ENOPH1: variants seen among roughly 807,000 people sequenced by gnomAD.
ENOPH1 encodes the protein enolase-phosphatase E1.
In ENOPH1, 14 loss-of-function variants were observed where a neutral mutation model predicts 31.1. The ratio of observed to expected loss-of-function variants is 0.45; its 90% CI spans 0.30 to 0.70. The LOEUF is 0.70. Among genes scored for constraint, ENOPH1 ranks in the 30% least tolerant of loss-of-function variants. The probability of loss-of-function intolerance (pLI) is 0.09; values close to 1 mark genes in which losing one functional copy is unlikely to be tolerated. For missense variants in ENOPH1, 243 were observed against 321.5 expected (o/e 0.76, Z 1.87); for synonymous variants, 127 against 123.2 (o/e 1.03, Z -0.21).
In ENOPH1 at chr4:82,457,022, G is replaced by C. The variant is rs780486433; in HGVS notation, c.630G>C (p.Leu210=). The part of the protein sequence containing the change: ...IGCSTNNILF[L]TDVTREASAA... ...GCTCAACCAACAACATTTTGTTTCT[G>C]ACAGATGTTACTCGAGGTGAGTAAT... The change falls in exon 5 of 6, where the codon CTG becomes CTC. Residue 210 remains leucine, a synonymous_variant. Coordinates refer to ENST00000273920, the MANE Select transcript of ENOPH1 (RefSeq NM_021204.5). The C allele has an allele frequency of 6.2e-7, 1 of 1,613,766 alleles. No individual in the cohort carries two copies. Among genetic ancestry groups the C allele is most frequent in the Admixed American group, 1.7e-5 (1 of 59,974 alleles).
intron 2 of ENOPH1, among the ~76,000 whole-genome samples, chr4:82,449,763 T>A (rs894637349): frequency 3.3e-5 from 5 of 152,182 alleles, no homozygotes; most frequent in African/African-American, 1.2e-4. Flanking sequence ...ACTCCCTCCT[T>A]CCTTACTGCA....
chr4:82,459,389 T>C (rs1578105748), intron 5 of ENOPH1, among the ~76,000 whole-genome samples: 2 of 152,240 alleles, frequency 1.3e-5, no homozygotes, highest in East Asian at 3.9e-4. Context: ...CTCCTGGGCT[T>C]AAGCAATCCT....
At position 82,440,469 on chromosome 4, in the gene ENOPH1, C is replaced by T. The variant is rs1008272849; in HGVS notation, c.85-7451C>T. 3.9e-5 allele frequency among the ~76,000 whole-genome samples: 6 copies of T among 152,190 alleles called. No individual in the cohort carries two copies. The East Asian group carries it at 5.8e-4, about 15-fold the overall frequency. On this transcript the variant is annotated intron_variant, in intron 1 of 5. Transcript: ENST00000273920. Reference sequence around the variant, plus strand: ...TCCTGGCTTTACTCTGCACCAGCAGCGAAACCTCTTTGAACCTCAGTGTCT... The same window carrying T: ...TCCTGGCTTTACTCTGCACCAGCAGTGAAACCTCTTTGAACCTCAGTGTCT...
intron 1 of ENOPH1, among the ~76,000 whole-genome samples, chr4:82,433,841 C>G (rs1275357675): frequency 6.6e-6 from 1 of 152,126 alleles, no homozygotes; most frequent in South Asian, 2.1e-4. Context: ...TTTTAAACAC[C>G]TTTTAAAGAG....
intron 1 of ENOPH1, among the ~76,000 whole-genome samples, chr4:82,431,741 A>C (rs1721768480): frequency 6.6e-6 from 1 of 152,236 alleles, no homozygotes; most frequent in African/African-American, 2.4e-5. Context: ...CTGAGGTTTA[A>C]GAATTCATTG....
chr4:82,444,455 G>C (rs552201807), intron 1 of ENOPH1, among the ~76,000 whole-genome samples: 2 of 152,210 alleles, frequency 1.3e-5, no homozygotes, highest in African/African-American at 4.8e-5. Flanking sequence ...CTATTTTTAG[G>C]AGGTACCTTT....
At chr4:82,436,686 CAAA>C (rs35557585) in intron 1 of ENOPH1, among the ~76,000 whole-genome samples, 10 of 110,810 alleles carry the variant, frequency 9.0e-5, no homozygotes, top group Non-Finnish European at 9.7e-5. Flanking sequence ...GACCCTGTCT[CAAA>C]AAAAAAAAAA....
chr4:82,457,773 G>A (rs542881552), intron 5 of ENOPH1, among the ~76,000 whole-genome samples: 25 of 152,286 alleles, frequency 1.6e-4, no homozygotes, highest in African/African-American at 4.6e-4. Flanking sequence ...TGTGATCCCC[G>A]GACCTTTGCT....
chr4:82,446,677 G>GTGACGGAAT (rs1722194319), intron 1 of ENOPH1, among the ~76,000 whole-genome samples: 1 of 108,582 alleles, frequency 9.2e-6, no homozygotes, highest in Non-Finnish European at 1.9e-5. Context: ...TTTTTTTTTT[G>GTGACGGAAT]TGTGACGGAA....
chr4:82,434,590 T>G (rs1192139338), intron 1 of ENOPH1, among the ~76,000 whole-genome samples: 1 of 152,154 alleles, frequency 6.6e-6, no homozygotes, highest in African/African-American at 2.4e-5. Flanking sequence ...GGTGGGCACC[T>G]GTAATCCCAG....
intron 2 of ENOPH1, among the ~76,000 whole-genome samples, chr4:82,449,083 A>G (rs13115037): frequency 1.7e-5 from 2 of 119,340 alleles, no homozygotes; most frequent in African/African-American, 3.1e-5. Context: ...AAAAAAAAAT[A>G]CAAAAAATTA....
intron 1 of ENOPH1, among the ~76,000 whole-genome samples, chr4:82,442,993 G>C (rs915438081): frequency 2.6e-5 from 4 of 152,158 alleles, no homozygotes; most frequent in African/African-American, 9.7e-5. Context: ...TTTTAGTAGA[G>C]AGGGGGTTTC....
chr4:82,434,862 G>A (rs906037456), intron 1 of ENOPH1, among the ~76,000 whole-genome samples: 18 of 151,906 alleles, frequency 1.2e-4, no homozygotes, highest in Non-Finnish European at 2.2e-4. Flanking sequence ...AGCCGAGATC[G>A]TGCCAGTGCA....
chr4:82,433,392 C>T (rs1721826820), intron 1 of ENOPH1, among the ~76,000 whole-genome samples: 1 of 152,106 alleles, frequency 6.6e-6, no homozygotes, highest in Non-Finnish European at 1.5e-5. Flanking sequence ...CTGAATTTGA[C>T]GCTAGGCAAT....
At chr4:82,448,401 C>T (rs1263109295) in intron 2 of ENOPH1, among the ~76,000 whole-genome samples, 1 of 151,822 alleles carries the variant, frequency 6.6e-6, no homozygotes, top group East Asian at 2.0e-4. Context: ...GCTGGGACTA[C>T]AGGCACCTGC....
chr4:82,460,073 A>C lies in ENOPH1; in HGVS notation c.739A>C (p.Ser247Arg). The C allele has an allele frequency of 6.2e-7, 1 of 1,614,164 alleles. No individual in the cohort carries two copies. Among genetic ancestry groups the C allele is most frequent in the South Asian group, 1.1e-5 (1 of 91,074 alleles). ...AACAGATGATGAGAAGACTTACTAC[A>C]GCCTCATCACATCCTTCAGTGAACT... ...GLTDDEKTYY[S>R]LITSFSELYL... Residue 247 changes from serine (S) to arginine (R), a missense_variant, in exon 6 of 6, where the codon AGC (serine) becomes CGC (arginine). By Grantham distance (110) the Ser-to-Arg change is moderately radical (BLOSUM62 -1). Transcript: ENST00000273920.
chr4:82,451,460 G>A (rs112597128), intron 3 of ENOPH1, among the ~76,000 whole-genome samples: 17 of 152,212 alleles, frequency 1.1e-4, no homozygotes, highest in African/African-American at 3.4e-4. Context: ...GTCTGGTCTT[G>A]TGGGTTGATT....
At chr4:82,454,653 T>G in intron 3 of ENOPH1, 69 bp from the exon 4 acceptor site, 1 of 1,526,412 alleles carries the variant, frequency 6.6e-7, no homozygotes, top group Admixed American at 2.1e-5. Context: ...ATATGGCATC[T>G]GTTTTGACAG....
At chr4:82,456,368 A>G (rs1347397728) in intron 4 of ENOPH1, among the ~76,000 whole-genome samples, 2 of 152,178 alleles carry the variant, frequency 1.3e-5, no homozygotes, top group Admixed American at 1.3e-4. Flanking sequence ...CTGTTGGTCA[A>G]ATTAGCAAGT....
Sources: allele counts gnomAD v4.1 joint callset (sites outside exome capture counted in the v4.1 genomes callset), GRCh38; gene constraint gnomAD v4.1.1; transcripts MANE v1.5; gene names NCBI Gene and HGNC (gene_info 2026-07-23, HGNC 2026-07-21).